The following LHFPL6 variants were observed in gnomAD, a reference collection of about 807,000 sequenced individuals.
The protein encoded by LHFPL6 is LHFPL tetraspan subfamily member 6 protein.
Under a neutral mutation model 20.6 loss-of-function variants are expected in LHFPL6, and 9 were observed. That is an observed-to-expected ratio of 0.44 (90% CI 0.26 to 0.76). The LOEUF (loss-of-function observed/expected upper bound fraction) is 0.76. Among genes scored for constraint, LHFPL6 ranks in the 30% least tolerant of loss-of-function variants. The pLI, the probability that LHFPL6 is intolerant of heterozygous loss-of-function variation, is 0.20. For missense variants in LHFPL6, 218 were observed against 253.5 expected, an observed-to-expected ratio of 0.86 and a Z score of 0.95; for synonymous variants, 105 against 98.7, an observed-to-expected ratio of 1.06 and a Z score of -0.38.
chr13:39,508,917 C>T (rs527257350), intron 2 of LHFPL6, among the ~76,000 whole-genome samples: 3 of 152,222 alleles, frequency 2.0e-5, no homozygotes, highest in Admixed American at 6.5e-5. Flanking sequence ...AAAGAAGTTG[C>T]CAAATTGTTT....
At chr13:39,562,715 C>CAT (rs1566142381) in intron 2 of LHFPL6, among the ~76,000 whole-genome samples, 2 of 149,396 alleles carry the variant, frequency 1.3e-5, no homozygotes, top group Non-Finnish European at 3.0e-5. Flanking sequence ...TATACACACA[C>CAT]ACACTACGTG....
At chr13:39,467,618 T>C (rs904396558) in intron 2 of LHFPL6, among the ~76,000 whole-genome samples, 10 of 152,200 alleles carry the variant, frequency 6.6e-5, no homozygotes, top group African/African-American at 2.4e-4. Context: ...CAATTAGCTT[T>C]GATCCCCTCC....
At chr13:39,420,970 C>A (rs151051836) in intron 2 of LHFPL6, among the ~76,000 whole-genome samples, 1 of 152,124 alleles carries the variant, frequency 6.6e-6, no homozygotes, top group African/African-American at 2.4e-5. Context: ...TTTTCCCCCC[C>A]CTCAAAACTA....
chr13:39,422,602 A>AAAAG (rs1555261778), intron 2 of LHFPL6, among the ~76,000 whole-genome samples: 4 of 114,332 alleles, frequency 3.5e-5, no homozygotes, highest in African/African-American at 5.9e-5. Context: ...AAAAAAAAAA[A>AAAAG]AAGAAGAAGA....
intron 2 of LHFPL6, among the ~76,000 whole-genome samples, chr13:39,492,854 A>G (rs1374256441): frequency 1.3e-5 from 2 of 151,676 alleles, no homozygotes; most frequent in African/African-American, 4.8e-5. Context: ...CTAATTTTGT[A>G]TTTTTAGTAG....
At chr13:39,551,105 T>C (rs1172679234) in intron 2 of LHFPL6, among the ~76,000 whole-genome samples, 1 of 152,194 alleles carries the variant, frequency 6.6e-6, no homozygotes, top group Non-Finnish European at 1.5e-5. Context: ...CCCTGATTAA[T>C]GCAACAGTCC....
intron 2 of LHFPL6, among the ~76,000 whole-genome samples, chr13:39,563,279 T>C (rs1195304604): frequency 2.6e-5 from 4 of 152,110 alleles, no homozygotes; most frequent in Admixed American, 2.6e-4. Flanking sequence ...TTAAATTATA[T>C]AGATCATATA....
At chr13:39,597,017 A>G (rs898256187) in intron 2 of LHFPL6, among the ~76,000 whole-genome samples, 1 of 152,224 alleles carries the variant, frequency 6.6e-6, no homozygotes, top group Non-Finnish European at 1.5e-5. Flanking sequence ...GGGATGCTCA[A>G]AGAAACATTC....
chr13:39,410,185 G>C (rs1294544577), intron 2 of LHFPL6, among the ~76,000 whole-genome samples: 1 of 152,066 alleles, frequency 6.6e-6, no homozygotes, highest in Admixed American at 6.5e-5. Flanking sequence ...TGATTTGAAA[G>C]AAAAAAAGAA....
intron 2 of LHFPL6, among the ~76,000 whole-genome samples, chr13:39,493,801 A>G (rs1217697938): frequency 2.0e-5 from 3 of 152,224 alleles, no homozygotes; most frequent in Admixed American, 6.5e-5. Flanking sequence ...TCCTCAGGAA[A>G]GACATCAGGG....
intron 2 of LHFPL6, among the ~76,000 whole-genome samples, chr13:39,597,286 T>C (rs1487804523): frequency 6.6e-6 from 1 of 152,252 alleles, no homozygotes; most frequent in Non-Finnish European, 1.5e-5. Context: ...ATTCTGACAT[T>C]TGCAAGCACC....
intron 2 of LHFPL6, among the ~76,000 whole-genome samples, chr13:39,387,757 G>A (rs1870604569): frequency 6.6e-6 from 1 of 151,954 alleles, no homozygotes; most frequent in Non-Finnish European, 1.5e-5. Flanking sequence ...TCCCATCTCT[G>A]GGCTTACTTT....
intron 2 of LHFPL6, among the ~76,000 whole-genome samples, chr13:39,474,183 T>G (rs898185564): frequency 6.6e-6 from 1 of 152,236 alleles, no homozygotes; most frequent in African/African-American, 2.4e-5. Flanking sequence ...ATTCTGTAGC[T>G]TCTGGTCTGT....
chr13:39,458,082 A>C (rs1872611182), intron 2 of LHFPL6, among the ~76,000 whole-genome samples: 1 of 152,204 alleles, frequency 6.6e-6, no homozygotes. Context: ...TTCTGGGTAC[A>C]TTCAATTACA....
At chr13:39,579,913 C>T (rs987865898) in intron 2 of LHFPL6, among the ~76,000 whole-genome samples, 1 of 152,178 alleles carries the variant, frequency 6.6e-6, no homozygotes, top group Non-Finnish European at 1.5e-5. Flanking sequence ...GGTCACAGCC[C>T]TGTAGTACAT....
In LHFPL6 at chr13:39,360,036, T is replaced by C. The variant is rs549920658; in HGVS notation, c.485-15982A>G. Among the ~76,000 whole-genome samples, 1,082 of 142,510 alleles carry C rather than the reference T, an allele frequency of 7.6e-3. 27 individuals carry two copies. The highest frequency in any genetic ancestry group is 0.026 in the African/African-American group (1,033 of 39,820). 93.5% of individuals were successfully genotyped at this position (142,510 alleles called of 152,430 possible). ...TTTTGTTTTGTTTTGTTTTGTTTTG[T>C]TTTTGAGACAGTCTCGCTCTGTCGC... On this transcript the variant is annotated intron_variant, in intron 3 of 3. Coordinates refer to ENST00000379589, the MANE Select transcript of LHFPL6 (RefSeq NM_005780.3).
chr13:39,483,231 A>G (rs1207457777), intron 2 of LHFPL6, among the ~76,000 whole-genome samples: 2 of 139,566 alleles, frequency 1.4e-5, no homozygotes, highest in East Asian at 7.9e-4. Flanking sequence ...AAAAGAGGAA[A>G]ATTTTTTTGT....
At chr13:39,464,828 A>G (rs1032078752) in intron 2 of LHFPL6, among the ~76,000 whole-genome samples, 8 of 152,114 alleles carry the variant, frequency 5.3e-5, no homozygotes, top group African/African-American at 1.9e-4. Flanking sequence ...TTCTTAATCA[A>G]TAACATACAA....
At chr13:39,401,282 G>T (rs911316852) in intron 2 of LHFPL6, among the ~76,000 whole-genome samples, 8 of 152,260 alleles carry the variant, frequency 5.3e-5, no homozygotes, top group African/African-American at 1.7e-4. Context: ...GAAAGTAGAG[G>T]CTAGGCAGGA....
Sources: gnomAD v4.1 joint callset for allele counts (sites outside exome capture counted in the v4.1 genomes callset) on GRCh38, gnomAD v4.1.1 for gene constraint, MANE v1.5 for transcripts, NCBI Gene and HGNC (gene_info 2026-07-23, HGNC 2026-07-21) for gene names.